Variants in SLC12A8 observed in about 807,000 individuals in gnomAD.
SLC12A8 encodes the protein cation-chloride cotransporter 9.
In SLC12A8, 69 loss-of-function variants were observed where a neutral mutation model predicts 75.6. That is an observed-to-expected ratio of 0.91 (90% confidence interval 0.75 to 1.11). The LOEUF is 1.11. Ranked by LOEUF, SLC12A8 falls within the 50% of genes most tolerant of loss-of-function variation. SLC12A8 has a pLI of 0.00. For missense variants in SLC12A8, 877 were observed against 896.7 expected (o/e 0.98, Z 0.28); for synonymous variants, 365 against 372.8 (o/e 0.98, Z 0.24).
In SLC12A8 at chr3:125,125,995, T is replaced by C. The variant is rs115538987; in HGVS notation, c.737-5309A>G. On this transcript the variant is annotated intron_variant, in intron 6 of 13. Coordinates refer to ENST00000469902, the MANE Select transcript of SLC12A8 (RefSeq NM_024628.6). ...CTGGATTGATGGCATTTCTGGGTTT[T>C]AAACGCCAATTCCAGGAAGCAGTTA... 1.8e-3 allele frequency: 1,638 copies of C among 886,404 alleles called. 18 individuals carry two copies. The African/African-American group carries it at 0.028, about 15-fold the overall frequency. 54.9% of individuals were successfully genotyped at this position (886,404 alleles called of 1,614,324 possible). A position where few individuals can be genotyped will look rare whatever the true frequency, so the allele number is the denominator to read the frequency against.
At chr3:125,139,526 C>T (rs1320858743) in intron 5 of SLC12A8, among the ~76,000 whole-genome samples, 2 of 152,216 alleles carry the variant, frequency 1.3e-5, no homozygotes, top group Admixed American at 1.3e-4. Flanking sequence ...TGTCCTGAGC[C>T]AGTCCCCAAA....
intron 10 of SLC12A8, among the ~76,000 whole-genome samples, chr3:125,096,789 T>A (rs1399890190): frequency 6.6e-6 from 1 of 152,236 alleles, no homozygotes; most frequent in Non-Finnish European, 1.5e-5. Context: ...TCTGTTATGA[T>A]TGCCATTAAT....
chr3:125,117,247 A>G (rs1173136464), intron 8 of SLC12A8, among the ~76,000 whole-genome samples: 1 of 152,162 alleles, frequency 6.6e-6, no homozygotes, highest in African/African-American at 2.4e-5. Flanking sequence ...CTGGCCCTCC[A>G]TTAAGACCAG....
At chr3:125,099,258 A>G (rs1938799615) in intron 10 of SLC12A8, among the ~76,000 whole-genome samples, 1 of 152,260 alleles carries the variant, frequency 6.6e-6, no homozygotes, top group Admixed American at 6.5e-5. Flanking sequence ...CGATATCAGC[A>G]GCCACACACC....
intron 6 of SLC12A8, among the ~76,000 whole-genome samples, chr3:125,125,546 A>T (rs139565224): frequency 2.0e-5 from 3 of 152,110 alleles, no homozygotes; most frequent in Non-Finnish European, 4.4e-5. Context: ...GTGACAGAGC[A>T]AGACTCCGTC....
At chr3:125,155,502 T>C (rs1295580412) in intron 5 of SLC12A8, among the ~76,000 whole-genome samples, 2 of 152,010 alleles carry the variant, frequency 1.3e-5, no homozygotes, top group Non-Finnish European at 2.9e-5. Context: ...CCGGGCGCGG[T>C]GGCTCACGCC....
intron 2 of SLC12A8, among the ~76,000 whole-genome samples, chr3:125,194,037 C>T (rs998866187): frequency 2.6e-5 from 4 of 152,192 alleles, no homozygotes; most frequent in African/African-American, 9.6e-5. Flanking sequence ...GGAATGTACC[C>T]TACACCCAGG....
At chr3:125,153,087 T>A (rs1933969683) in intron 5 of SLC12A8, among the ~76,000 whole-genome samples, 1 of 152,182 alleles carries the variant, frequency 6.6e-6, no homozygotes, top group Non-Finnish European at 1.5e-5. Flanking sequence ...GCAACTCTCA[T>A]CACACTTTCA....
intron 2 of SLC12A8, among the ~76,000 whole-genome samples, chr3:125,208,995 AGCCTGTCTTCCCACTG>A (rs1935286362): frequency 1.3e-5 from 2 of 152,052 alleles, no homozygotes; most frequent in Non-Finnish European, 2.9e-5. Flanking sequence ...GACACCCACT[AGCCTGTCTTCCCACTG>A]GGCACTGCCT....
intron 5 of SLC12A8, among the ~76,000 whole-genome samples, chr3:125,170,426 C>T (rs769774026): frequency 7.2e-5 from 11 of 152,180 alleles, no homozygotes; most frequent in Non-Finnish European, 1.5e-4. Flanking sequence ...TTTTAAATCT[C>T]TAATATGGAA....
At chr3:125,147,915 T>C (rs28505072) in intron 5 of SLC12A8, among the ~76,000 whole-genome samples, 15,566 of 152,248 alleles carry the variant, frequency 0.1, 1,386 homozygotes, top group African/African-American at 0.23. Flanking sequence ...ATAATGACAA[T>C]GATTATTTAT....
Position 125,211,402 on chromosome 3 carries a change from G to T in SLC12A8, c.-45-8C>A. The T allele has an allele frequency of 6.8e-7, 1 of 1,460,134 alleles. No individual in the cohort carries two copies. Among genetic ancestry groups the T allele is most frequent in the Non-Finnish European group, 9.6e-7 (1 of 1,040,186 alleles). 90.4% of individuals were successfully genotyped at this position (1,460,134 alleles called of 1,614,324 possible). On this transcript the variant is annotated splice_region_variant and splice_polypyrimidine_tract_variant and intron_variant, in intron 1 of 13. Coordinates refer to ENST00000469902, the MANE Select transcript of SLC12A8 (RefSeq NM_024628.6). ...CTGGACAGGGAGACTGCTCTGGAAG[G>T]TAACAGCATCCTTGGTCAGGCTGGC...
chr3:125,161,791 G>A (rs1276630557), intron 5 of SLC12A8, among the ~76,000 whole-genome samples: 1 of 152,164 alleles, frequency 6.6e-6, no homozygotes, highest in Non-Finnish European at 1.5e-5. Context: ...ACCTGCTGTG[G>A]GAAAGACATG....
intron 5 of SLC12A8, among the ~76,000 whole-genome samples, chr3:125,174,455 C>T (rs1342245935): frequency 2.6e-5 from 4 of 152,210 alleles, no homozygotes; most frequent in South Asian, 2.1e-4. Flanking sequence ...AGTCTTACCA[C>T]ATGCTCCAAC....
intron 4 of SLC12A8, among the ~76,000 whole-genome samples, chr3:125,182,214 C>T (rs541180745): frequency 6.6e-6 from 1 of 152,110 alleles, no homozygotes; most frequent in Non-Finnish European, 1.5e-5. Context: ...GTAGTCTCAC[C>T]TACTTGGGAG....
At chr3:125,137,828 G>A (rs907153022) in intron 5 of SLC12A8, among the ~76,000 whole-genome samples, 1 of 152,130 alleles carries the variant, frequency 6.6e-6, no homozygotes, top group African/African-American at 2.4e-5. Context: ...TGGCTCCCTC[G>A]TGGGCCTGCC....
At chr3:125,176,712 A>C (rs868734424) in intron 5 of SLC12A8, among the ~76,000 whole-genome samples, 1 of 151,200 alleles carries the variant, frequency 6.6e-6, no homozygotes, top group South Asian at 2.1e-4. Context: ...CAGCCAAAAG[A>C]CACATGAAAA....
chr3:125,086,613 A>T (rs540114427), intron 13 of SLC12A8, among the ~76,000 whole-genome samples: 2 of 152,344 alleles, frequency 1.3e-5, no homozygotes, highest in Non-Finnish European at 1.5e-5. Flanking sequence ...ATCTATTTCC[A>T]TTTAAACTCT....
intron 5 of SLC12A8, among the ~76,000 whole-genome samples, chr3:125,177,306 C>T (rs1313272335): frequency 7.5e-6 from 1 of 133,672 alleles, no homozygotes; most frequent in African/African-American, 2.9e-5. Context: ...AGGGGAACAT[C>T]ACACACCAGG....
Sources: allele counts gnomAD v4.1 joint callset (sites outside exome capture counted in the v4.1 genomes callset), GRCh38; gene constraint gnomAD v4.1.1; transcripts MANE v1.5; gene names NCBI Gene and HGNC (gene_info 2026-07-23, HGNC 2026-07-21).